LEPROT: variants seen among roughly 807,000 people sequenced by gnomAD.
LEPROT encodes the protein leptin receptor overlapping transcript, also known as leptin receptor gene-related protein.
Under a neutral mutation model 15.4 loss-of-function variants are expected in LEPROT, and 3 were observed. The observed-to-expected ratio is 0.19, with a 90% CI of 0.09 to 0.50. The LOEUF (loss-of-function observed/expected upper bound fraction) is 0.50, where lower values mean the gene tolerates loss of function less well. Ranked by LOEUF, LEPROT falls within the 20% of genes least tolerant of loss-of-function variation. The pLI is 0.97. For synonymous variants in LEPROT, 59 were observed against 57.5 expected (o/e 1.03, Z -0.12); for missense variants, 137 against 162.2 (o/e 0.84, Z 0.84).
At position 65,433,201 on chromosome 1, in the gene LEPROT, C is replaced by T; in HGVS notation, c.*1282C>T. 2 of 985,378 alleles carry T rather than the reference C, an allele frequency of 2.0e-6. No homozygotes were observed. Among genetic ancestry groups the T allele is most frequent in the Non-Finnish European group, 2.4e-6 (2 of 829,960 alleles). 61.0% of individuals were successfully genotyped at this position (985,378 alleles called of 1,614,324 possible). On this transcript the variant is annotated 3_prime_UTR_variant, in exon 4 of 4. Transcript: ENST00000371065. ...CCTACTCCTCAACAGTTCTGGTTTG[C>T]CCTGACTTCTCTACGGCTCTGGCTT... is the stretch of plus-strand genomic sequence containing the variant.
intron 3 of LEPROT, 116 bp downstream of exon 3, chr1:65,430,164 T>A: frequency 1.1e-6 from 1 of 911,902 alleles, no homozygotes; most frequent in African/African-American, 1.7e-5. Flanking sequence ...GGCCGTGTGT[T>A]TTTAGTTTCT....
At chr1:65,426,014 G>C (rs1411194797) in intron 2 of LEPROT, among the ~76,000 whole-genome samples, 6 of 152,170 alleles carry the variant, frequency 3.9e-5, no homozygotes, top group African/African-American at 1.4e-4. Flanking sequence ...TGTTTCAGTG[G>C]GGGAGACGGA....
rs1646509555 is a variant in LEPROT, at chr1:65,433,049, G to GCGGGCAGGGAGGCTGGGCT, written c.*1133_*1151dup. ...GCTGGGGGAAGAGCTCCACTGAGAT[G>GCGGGCAGGGAGGCTGGGCT]CGGGCAGGGAGGCTGGGCTCGAGCC... On this transcript the variant is annotated 3_prime_UTR_variant, in exon 4 of 4. Coordinates refer to ENST00000371065, the MANE Select transcript of LEPROT (RefSeq NM_017526.5). 44 of 985,324 alleles carry GCGGGCAGGGAGGCTGGGCT rather than the reference G, an allele frequency of 4.5e-5. No homozygotes were observed. The highest frequency in any genetic ancestry group is 5.1e-5 in the Non-Finnish European group (42 of 829,944). The allele number at this position is 985,324 out of a possible 1,614,324, so 61.0% of individuals were successfully genotyped here. A position where few individuals can be genotyped will look rare whatever the true frequency, so the allele number is the denominator to read the frequency against.
chr1:65,422,469 A>C (rs1646269987), intron 1 of LEPROT, among the ~76,000 whole-genome samples: 1 of 152,250 alleles, frequency 6.6e-6, no homozygotes, highest in Non-Finnish European at 1.5e-5. Context: ...CTGTCAGAAG[A>C]TAAATTTCTG....
At position 65,432,632 on chromosome 1, in the gene LEPROT, T is replaced by C. The variant is rs1646502125; in HGVS notation, c.*713T>C. The stretch of plus-strand genomic sequence containing the variant: ...CAAGTTCAGATGTTCAAGCCTATAA[T>C]ATTTAGGCAGTTCCTCAAATTTATG... On this transcript the variant is annotated 3_prime_UTR_variant, in exon 4 of 4. Coordinates refer to ENST00000371065, the MANE Select transcript of LEPROT (RefSeq NM_017526.5). 1.0e-6 allele frequency: 1 copy of C among 984,698 alleles called. No individual in the cohort carries two copies. Among genetic ancestry groups the C allele is most frequent in the Admixed American group, 6.2e-5 (1 of 16,236 alleles). The allele number at this position is 984,698 out of a possible 1,614,324, so 61.0% of individuals were successfully genotyped here. A position where few individuals can be genotyped will look rare whatever the true frequency, so the allele number is the denominator to read the frequency against.
chr1:65,422,566 A>C (rs1018038411), intron 1 of LEPROT, among the ~76,000 whole-genome samples: 3 of 152,228 alleles, frequency 2.0e-5, no homozygotes, highest in African/African-American at 7.2e-5. Flanking sequence ...TGCTCCAGAG[A>C]AAGGACTGTT....
At position 65,433,232 on chromosome 1, in the gene LEPROT, C is replaced by T. The variant is rs373378880; in HGVS notation, c.*1313C>T. The T allele has an allele frequency of 1.1e-5, 11 of 985,346 alleles. No homozygotes were observed. Among genetic ancestry groups the T allele is most frequent in the African/African-American group, 1.0e-4 (6 of 57,320 alleles). The allele number at this position is 985,346 out of a possible 1,614,324, so 61.0% of individuals were successfully genotyped here. On this transcript the variant is annotated 3_prime_UTR_variant, in exon 4 of 4. Transcript: ENST00000371065. ...CTTCTCTACGGCTCTGGCTTCTTCC[C>T]GAAGAGATATAGGAGCCATGTAAGC...
Position 65,433,995 on chromosome 1 carries a change from A to G in LEPROT, c.*2076A>G. ...CAATAGCTTTTCTTTCTAAGATGGC[A>G]ATAATGATTCATTTCTACTACATTT... On this transcript the variant is annotated 3_prime_UTR_variant, in exon 4 of 4. Transcript: ENST00000371065. 1 of 985,342 alleles carries G rather than the reference A, an allele frequency of 1.0e-6. No homozygotes were observed. The highest frequency in any genetic ancestry group is 1.7e-5 in the African/African-American group (1 of 57,362). The allele number at this position is 985,342 out of a possible 1,614,324, so 61.0% of individuals were successfully genotyped here.
chr1:65,423,954 AGATT>A (rs887269830), intron 1 of LEPROT, among the ~76,000 whole-genome samples: 4 of 152,196 alleles, frequency 2.6e-5, no homozygotes, highest in Admixed American at 1.3e-4. Context: ...CACTTTACAT[AGATT>A]ATCTCATTTA....
chr1:65,425,055 T>C (rs745410338), intron 1 of LEPROT, among the ~76,000 whole-genome samples: 10 of 152,238 alleles, frequency 6.6e-5, no homozygotes, highest in Non-Finnish European at 1.5e-5. Context: ...CTTTTTTATT[T>C]TAGTAAATGT....
rs1646226617 is a variant in LEPROT, at chr1:65,420,683, T to C, written c.-42T>C. 1.2e-5 allele frequency: 19 copies of C among 1,567,528 alleles called. No individual in the cohort carries two copies. The highest frequency in any genetic ancestry group is 1.5e-5 in the Non-Finnish European group (17 of 1,158,276). ...TGGCTTGGGCAGGCTGCCCGGGCCG[T>C]GGCAGGAAGCCGGAAGCAGCCGCGG... On this transcript the variant is annotated 5_prime_UTR_variant, in exon 1 of 4. Coordinates refer to ENST00000371065, the MANE Select transcript of LEPROT (RefSeq NM_017526.5).
chr1:65,430,915 A>G (rs974655697), intron 3 of LEPROT, among the ~76,000 whole-genome samples: 1 of 152,178 alleles, frequency 6.6e-6, no homozygotes, highest in Non-Finnish European at 1.5e-5. Context: ...GATAAATAGC[A>G]TTTGTATTGA....
At chr1:65,431,216 C>T (rs192351769) in intron 3 of LEPROT, among the ~76,000 whole-genome samples, 60 of 152,214 alleles carry the variant, frequency 3.9e-4, no homozygotes, top group Admixed American at 2.5e-3. Flanking sequence ...TTTTTCCTTT[C>T]AATACTGCCA....
At chr1:65,421,078 C>A (rs1646239740) in intron 1 of LEPROT, among the ~76,000 whole-genome samples, 2 of 152,230 alleles carry the variant, frequency 1.3e-5, no homozygotes, top group African/African-American at 4.8e-5. Context: ...GCCACCCTAA[C>A]GCCTTTCTTC....
rs531918225 is a variant in LEPROT, at chr1:65,432,178, A to C, written c.*259A>C. 6.5e-4 allele frequency: 737 copies of C among 1,127,054 alleles called. 9 individuals carry two copies. In the South Asian group the frequency reaches 0.012, roughly 18 times the overall value. 69.8% of individuals were successfully genotyped at this position (1,127,054 alleles called of 1,614,324 possible). A position where few individuals can be genotyped will look rare whatever the true frequency, so the allele number is the denominator to read the frequency against. ...TGTAGTCACGGTGCTCTCAGAAAATATATTAACGCAGTCTTGTAGGCAGCT... is the reference window on the plus strand; with the variant it reads ...TGTAGTCACGGTGCTCTCAGAAAATCTATTAACGCAGTCTTGTAGGCAGCT... On this transcript the variant is annotated 3_prime_UTR_variant, in exon 4 of 4. Coordinates refer to ENST00000371065, the MANE Select transcript of LEPROT (RefSeq NM_017526.5).
At chr1:65,423,700 T>C (rs910294400) in intron 1 of LEPROT, among the ~76,000 whole-genome samples, 1 of 152,232 alleles carries the variant, frequency 6.6e-6, no homozygotes, top group African/African-American at 2.4e-5. Context: ...AAAAGCACTT[T>C]GGCACCTTCC....
chr1:65,431,216 C>G (rs192351769), intron 3 of LEPROT, among the ~76,000 whole-genome samples: 1 of 152,098 alleles, frequency 6.6e-6, no homozygotes, highest in African/African-American at 2.4e-5. Flanking sequence ...TTTTTCCTTT[C>G]AATACTGCCA....
chr1:65,433,109 G>A lies in LEPROT; in HGVS notation c.*1190G>A. ...GTTAGCAGGAGGGGGAGAACAGATAGGTAACTCTTTTACATTTCCTTTATG... is the reference window on the plus strand; with the variant it reads ...GTTAGCAGGAGGGGGAGAACAGATAAGTAACTCTTTTACATTTCCTTTATG... On this transcript the variant is annotated 3_prime_UTR_variant, in exon 4 of 4. Coordinates refer to ENST00000371065, the MANE Select transcript of LEPROT (RefSeq NM_017526.5). The A allele has an allele frequency of 1.0e-6, 1 of 985,364 alleles. No homozygotes were observed. The highest frequency in any genetic ancestry group is 1.2e-6 in the Non-Finnish European group (1 of 829,942). The allele number at this position is 985,364 out of a possible 1,614,324, so 61.0% of individuals were successfully genotyped here.
chr1:65,432,864 C>T lies in LEPROT; in HGVS notation c.*945C>T. The T allele has an allele frequency of 1.4e-6, 1 of 737,602 alleles. No individual in the cohort carries two copies. Among genetic ancestry groups the T allele is most frequent in the East Asian group, 1.3e-4 (1 of 7,684 alleles). The allele number at this position is 737,602 out of a possible 1,614,324, so 45.7% of individuals were successfully genotyped here. On this transcript the variant is annotated 3_prime_UTR_variant, in exon 4 of 4. Coordinates refer to ENST00000371065, the MANE Select transcript of LEPROT (RefSeq NM_017526.5). Reference sequence around the variant, plus strand: ...GAGATCATATGTTAATTAGTGTAATCATTCCACCTTATATTCAAAAATCAT... The same window carrying T: ...GAGATCATATGTTAATTAGTGTAATTATTCCACCTTATATTCAAAAATCAT...
Sources: gnomAD v4.1 joint callset for allele counts (sites outside exome capture counted in the v4.1 genomes callset) on GRCh38, gnomAD v4.1.1 for gene constraint, MANE v1.5 for transcripts, NCBI Gene and HGNC (gene_info 2026-07-23, HGNC 2026-07-21) for gene names.